Variants in FRAS1 observed in about 807,000 individuals in gnomAD.
FRAS1 encodes Fraser extracellular matrix complex subunit 1.
A neutral mutation model predicts 435.2 loss-of-function variants in FRAS1; 290 were observed. That is an observed-to-expected ratio of 0.67 (90% CI 0.61 to 0.73). The LOEUF is 0.73. FRAS1 is among the 30% of genes least tolerant of loss of function. The pLI is 0.00. For synonymous variants in FRAS1, 1,800 were observed against 1,851.0 expected (o/e 0.97, Z 0.71); for missense variants, 4,860 against 5,001.5 (o/e 0.97, Z 0.85).
At chr4:78,379,585 A>G in intron 26 of FRAS1, 141 bp from the exon 27 acceptor site, 1 of 805,950 alleles carries the variant, frequency 1.2e-6, no homozygotes, top group South Asian at 1.8e-5. Flanking sequence ...TTATGCAGTG[A>G]AATCAACTCT....
chr4:78,081,421 GC>G (rs1740889156), intron 2 of FRAS1, among the ~76,000 whole-genome samples: 1 of 152,120 alleles, frequency 6.6e-6, no homozygotes, highest in Non-Finnish European at 1.5e-5. Flanking sequence ...GCTGGGCAGT[GC>G]TGGTATAGAT....
At chr4:78,433,834 A>G (rs1734309352) in intron 38 of FRAS1, among the ~76,000 whole-genome samples, 1 of 152,244 alleles carries the variant, frequency 6.6e-6, no homozygotes, top group South Asian at 2.1e-4. Context: ...GCGCTCCAGG[A>G]GCAGTTCCTG....
chr4:78,421,897 T>C lies in FRAS1; in HGVS notation c.4575T>C (p.Pro1525=), dbSNP rs1733802929. The stretch of plus-strand genomic sequence containing the variant: ...AGCACCGGGACCACCCTCACTCTCC[T>C]ATCCGGTATTTCACGCAAGAGGATA... ...IIEHRDHPHS[P]IRYFTQEDIN... is the part of the protein sequence containing the mutation. The change falls in exon 34 of 74, where the codon CCT becomes CCC. Residue 1525 remains proline, a synonymous_variant. Coordinates refer to ENST00000512123, the MANE Select transcript of FRAS1 (RefSeq NM_025074.7). 6.2e-7 allele frequency: 1 copy of C among 1,613,784 alleles called. No individual in the cohort carries two copies. The highest frequency in any genetic ancestry group is 1.1e-5 in the South Asian group (1 of 91,078).
At chr4:78,128,853 G>T (rs1458676983) in intron 2 of FRAS1, among the ~76,000 whole-genome samples, 1 of 152,172 alleles carries the variant, frequency 6.6e-6, no homozygotes, top group Non-Finnish European at 1.5e-5. Flanking sequence ...GAATGGTATT[G>T]CCTAGGTTTT....
chr4:78,252,749 G>T (rs561399736), intron 5 of FRAS1, among the ~76,000 whole-genome samples, 198 bp downstream of exon 5: 1 of 152,162 alleles, frequency 6.6e-6, no homozygotes, highest in African/African-American at 2.4e-5. Context: ...CAGTAGGACC[G>T]TGATGCCCTC....
chr4:78,481,736 A>G, intron 56 of FRAS1, 68 bp from the exon 57 acceptor site: 1 of 1,567,920 alleles, frequency 6.4e-7, no homozygotes, highest in Non-Finnish European at 8.8e-7. Flanking sequence ...GGAGAACATC[A>G]TTCTGAAAAC....
intron 13 of FRAS1, among the ~76,000 whole-genome samples, chr4:78,285,589 C>T (rs1030584401): frequency 6.6e-6 from 1 of 151,872 alleles, no homozygotes; most frequent in South Asian, 2.1e-4. Context: ...TCTGCCACCA[C>T]ACCAGCTAAT....
chr4:78,466,103 A>G, intron 49 of FRAS1, 105 bp from the exon 50 acceptor site: 1 of 799,322 alleles, frequency 1.3e-6, no homozygotes, highest in Non-Finnish European at 2.1e-6. Flanking sequence ...TTACTTTATC[A>G]ATGTCTTTGG....
intron 59 of FRAS1, among the ~76,000 whole-genome samples, chr4:78,494,533 A>C (rs1485068918): frequency 2.0e-5 from 3 of 152,158 alleles, no homozygotes; most frequent in Non-Finnish European, 4.4e-5. Flanking sequence ...ACCTTATCTC[A>C]TGGGATTTAA....
Position 78,401,012 on chromosome 4 carries a change from C to A in FRAS1, c.4129+125C>A. 8 of 804,932 alleles carry A rather than the reference C, an allele frequency of 9.9e-6. No individual in the cohort carries two copies. The South Asian group carries it at 1.4e-4, about 14-fold the overall frequency. The allele number at this position is 804,932 out of a possible 1,614,324, so 49.9% of individuals were successfully genotyped here. A position where few individuals can be genotyped will look rare whatever the true frequency, so the allele number is the denominator to read the frequency against. The stretch of plus-strand genomic sequence containing the variant: ...CTGAGCTTTCTAATACCTTACAAAT[C>A]CCCTTTAAAAACAGAATAATCATGA... On this transcript the variant is annotated intron_variant, in intron 30 of 73. Coordinates refer to ENST00000512123, the MANE Select transcript of FRAS1 (RefSeq NM_025074.7).
At chr4:78,116,507 G>T (rs2109953025) in intron 2 of FRAS1, among the ~76,000 whole-genome samples, 1 of 152,168 alleles carries the variant, frequency 6.6e-6, no homozygotes, top group East Asian at 1.9e-4. Flanking sequence ...TATGAATCTG[G>T]GTGCTCCTGT....
intron 2 of FRAS1, among the ~76,000 whole-genome samples, chr4:78,152,208 T>C (rs916527882): frequency 6.6e-6 from 1 of 152,142 alleles, no homozygotes; most frequent in Non-Finnish European, 1.5e-5. Context: ...TAAATTTGAA[T>C]TGGTGTCTTT....
At chr4:78,061,358 A>G (rs2109841055) in intron 1 of FRAS1, among the ~76,000 whole-genome samples, 1 of 152,280 alleles carries the variant, frequency 6.6e-6, no homozygotes. Context: ...TTCTGGAGAA[A>G]TATCTTGAGT....
chr4:78,133,243 G>A (rs1185592472), intron 2 of FRAS1, among the ~76,000 whole-genome samples: 4 of 152,144 alleles, frequency 2.6e-5, no homozygotes, highest in Non-Finnish European at 5.9e-5. Context: ...AGGTCATTAT[G>A]CGGTGTAAAA....
chr4:78,290,807 T>C (rs1332247653), intron 14 of FRAS1, among the ~76,000 whole-genome samples: 1 of 143,424 alleles, frequency 7.0e-6, no homozygotes, highest in Non-Finnish European at 1.5e-5. Context: ...TATTGCCTTT[T>C]TTTTTTTTTT....
At chr4:78,068,441 G>C in intron 2 of FRAS1, 7 of 447,360 alleles carry the variant, frequency 1.6e-5, no homozygotes, top group South Asian at 1.1e-4. Flanking sequence ...TGAAGCAAGA[G>C]CTCCTATGGG....
intron 19 of FRAS1, among the ~76,000 whole-genome samples, chr4:78,335,800 T>C (rs567478373): frequency 1.3e-5 from 2 of 152,268 alleles, no homozygotes; most frequent in African/African-American, 4.8e-5. Context: ...TATGTTTTAG[T>C]GACAGAGATT....
At chr4:78,109,537 C>A (rs1742587299) in intron 2 of FRAS1, among the ~76,000 whole-genome samples, 1 of 143,076 alleles carries the variant, frequency 7.0e-6, no homozygotes, top group South Asian at 2.3e-4. Flanking sequence ...AAGCCTTTGA[C>A]AAAATTCAAC....
chr4:78,418,941 T>A lies in FRAS1; in HGVS notation c.4426-8T>A. On this transcript the variant is annotated splice_polypyrimidine_tract_variant and splice_region_variant and intron_variant, in intron 32 of 73. Transcript: ENST00000512123. ...ATGTGTTCCTCTTCCTTCTTAAACT[T>A]TGTTTAGGCTAGAGAAGATGGCCTG... The A allele has an allele frequency of 6.5e-7, 1 of 1,543,622 alleles. No individual in the cohort carries two copies. The highest frequency in any genetic ancestry group is 8.9e-7 in the Non-Finnish European group (1 of 1,125,834).
Sources: gnomAD v4.1 joint callset for allele counts (sites outside exome capture counted in the v4.1 genomes callset) on GRCh38, gnomAD v4.1.1 for gene constraint, MANE v1.5 for transcripts, NCBI Gene and HGNC (gene_info 2026-07-23, HGNC 2026-07-21) for gene names.